Variants in MMD2 observed in about 807,000 individuals in gnomAD.
MMD2 encodes monocyte to macrophage differentiation associated 2, also known as monocyte to macrophage differentiation factor 2.
Under a neutral mutation model 33.5 loss-of-function variants are expected in MMD2, and 30 were observed. That is an observed-to-expected ratio of 0.90 (90% confidence interval 0.67 to 1.22). The LOEUF (loss-of-function observed/expected upper bound fraction) is 1.22. MMD2 is among the 50% of genes most tolerant of loss of function. The pLI, the probability that MMD2 is intolerant of heterozygous loss-of-function variation, is 0.00. For missense variants in MMD2, 364 were observed against 325.4 expected, an observed-to-expected ratio of 1.12 and a Z score of -0.91; for synonymous variants, 129 against 123.0, an observed-to-expected ratio of 1.05 and a Z score of -0.32.
chr7:4,951,215 AG>A lies in MMD2; in HGVS notation c.47+7755del, dbSNP rs569733854. On this transcript the variant is annotated intron_variant, in intron 1 of 6. Coordinates refer to ENST00000401401, the MANE Select transcript of MMD2 (RefSeq NM_198403.4). ...CAACTCCCTTGATAACTATGATGGCAGCCTCAAAAGTAGCTTCTGTCCCTTT... is the reference window on the plus strand; with the variant it reads ...CAACTCCCTTGATAACTATGATGGCACCTCAAAAGTAGCTTCTGTCCCTTT... 7.4e-3 allele frequency among the ~76,000 whole-genome samples: 1,127 copies of A among 152,276 alleles called. 8 individuals are homozygous for A. The highest frequency in any genetic ancestry group is 0.012 in the Non-Finnish European group (825 of 68,024).
intron 3 of MMD2, among the ~76,000 whole-genome samples, chr7:4,918,096 C>T (rs948783442): frequency 2.2e-4 from 34 of 152,214 alleles, no homozygotes; most frequent in African/African-American, 8.0e-4. Context: ...CCTCCAGCCC[C>T]AGTCAAGCCA....
At chr7:4,937,965 ATTTC>A (rs1206817583) in intron 1 of MMD2, among the ~76,000 whole-genome samples, 1 of 103,026 alleles carries the variant, frequency 9.7e-6, no homozygotes, top group Non-Finnish European at 2.1e-5. Flanking sequence ...AAACAATTTA[ATTTC>A]TTTTTCTTTT....
At position 4,911,151 on chromosome 7, in the gene MMD2, T is replaced by C. The variant is rs759450766; in HGVS notation, c.461A>G (p.His154Arg). Reference protein sequence around the residue: ...SVGTIYVFFFHERYKLVELLC... With the variant: ...SVGTIYVFFFRERYKLVELLC... ...GCCCCCAGGCCTGGCTTACCGCTCATGGAAGAAGAAGACATAGATGGTGCC... is the reference window on the plus strand; with the variant it reads ...GCCCCCAGGCCTGGCTTACCGCTCACGGAAGAAGAAGACATAGATGGTGCC... The change falls in exon 5 of 7, where the codon CAT becomes CGT. Residue 154 changes from histidine to arginine, a missense_variant. By Grantham distance (29) the His-to-Arg change is conservative. Transcript: ENST00000401401. 4 of 1,581,288 alleles carry C rather than the reference T, an allele frequency of 2.5e-6. No homozygotes were observed. The highest frequency in any genetic ancestry group is 4.6e-5 in the East Asian group (2 of 43,148).
At chr7:4,919,953 G>C (rs61700194) in intron 3 of MMD2, among the ~76,000 whole-genome samples, 3,355 of 152,260 alleles carry the variant, frequency 0.022, 137 homozygotes, top group African/African-American at 0.078. Context: ...CGTGGGCGAG[G>C]TGGTCCGCCC....
In MMD2 at chr7:4,959,048, G is replaced by A. The variant is rs1786468320; in HGVS notation, c.-31C>T. 2.4e-6 allele frequency: 3 copies of A among 1,251,678 alleles called. No individual in the cohort carries two copies. In the East Asian group the frequency reaches 9.6e-5, roughly 40 times the overall value. The allele number at this position is 1,251,678 out of a possible 1,614,324, so 77.5% of individuals were successfully genotyped here. A position where few individuals can be genotyped will look rare whatever the true frequency, so the allele number is the denominator to read the frequency against. On this transcript the variant is annotated 5_prime_UTR_variant, in exon 1 of 7. Coordinates refer to ENST00000401401, the MANE Select transcript of MMD2 (RefSeq NM_198403.4). ...CGCTTCCATGGGAATCTGGCCCCGG[G>A]CTCAGAGCGCGGGTAGCTGGCAGAG... is the stretch of plus-strand genomic sequence containing the variant.
chr7:4,910,253 T>A (rs1784972963), intron 5 of MMD2, among the ~76,000 whole-genome samples: 2 of 152,146 alleles, frequency 1.3e-5, no homozygotes, highest in African/African-American at 4.8e-5. Context: ...GCACTTCCGA[T>A]GCTCAGCCCA....
intron 1 of MMD2, among the ~76,000 whole-genome samples, chr7:4,947,794 G>T (rs1034392391): frequency 2.0e-5 from 3 of 148,884 alleles, no homozygotes; most frequent in Non-Finnish European, 4.4e-5. Context: ...CCACCTCCCG[G>T]GTTCAAGCGA....
chr7:4,893,204 AC>A, the MMD2 span, among the ~76,000 whole-genome samples: 1 of 151,850 alleles, frequency 6.6e-6, no homozygotes, highest in Non-Finnish European at 1.5e-5. Flanking sequence ...TCCGATCCAG[AC>A]CCCAAGAGAG....
the MMD2 span, among the ~76,000 whole-genome samples, chr7:4,894,964 T>G: frequency 1.3e-5 from 2 of 152,180 alleles, no homozygotes; most frequent in Non-Finnish European, 2.9e-5. This position sits in a 1 kb window ranked among gnomAD's most constrained non-coding sequence, Gnocchi z 4.3. Context: ...TGATCTTTGC[T>G]GGAAGCTGCA....
chr7:4,933,360 A>T (rs1785645688), intron 1 of MMD2, among the ~76,000 whole-genome samples: 1 of 152,318 alleles, frequency 6.6e-6, no homozygotes, highest in East Asian at 1.9e-4. Flanking sequence ...TGATTGTCTC[A>T]AAATAAAACA....
Position 4,907,341 on chromosome 7 carries a change from C to A in MMD2, c.*55G>T. 2 of 1,566,584 alleles carry A rather than the reference C, an allele frequency of 1.3e-6. No individual in the cohort carries two copies. Among genetic ancestry groups the A allele is most frequent in the South Asian group, 1.1e-5 (1 of 89,724 alleles). ...TGGCGCTGTGCTCTGGGTTAACGTT[C>A]ACAGAAACGTGCTCCACTCCTAAAG... On this transcript the variant is annotated 3_prime_UTR_variant, in exon 7 of 7. Coordinates refer to ENST00000401401, the MANE Select transcript of MMD2 (RefSeq NM_198403.4).
rs189210363 is a variant in MMD2 at position 4,931,119 on chromosome 7, G to A, written c.48-5587C>T. Among the ~76,000 whole-genome samples, 395 of 152,214 alleles carry A rather than the reference G, an allele frequency of 2.6e-3. 3 individuals carry two copies. Among genetic ancestry groups the A allele is most frequent in the African/African-American group, 8.7e-3 (361 of 41,544 alleles). The stretch of plus-strand genomic sequence containing the variant: ...ACTTGTCTCTGGCTCCTAAAGTGCC[G>A]GGGTTACAGGCGTGAGCCACTGTGC... On this transcript the variant is annotated intron_variant, in intron 1 of 6. Transcript: ENST00000401401.
chr7:4,922,461 A>T (rs1217025650), intron 2 of MMD2, among the ~76,000 whole-genome samples: 2 of 151,840 alleles, frequency 1.3e-5, no homozygotes, highest in Admixed American at 1.3e-4. Context: ...TCCCAGCAAG[A>T]CTCCATTTAA....
Position 4,907,283 on chromosome 7 carries a change from A to T in MMD2, c.*113T>A. 9.6e-7 allele frequency: 1 copy of T among 1,036,888 alleles called. No individual in the cohort carries two copies. Among genetic ancestry groups the T allele is most frequent in the Non-Finnish European group, 1.5e-6 (1 of 683,424 alleles). 64.2% of individuals were successfully genotyped at this position (1,036,888 alleles called of 1,614,324 possible). A position where few individuals can be genotyped will look rare whatever the true frequency, so the allele number is the denominator to read the frequency against. ...CACCAGAAGTCACCTTGGAGCCATCAAGAACTCTACCCAATAAAGGGAAGA... is the reference window on the plus strand; with the variant it reads ...CACCAGAAGTCACCTTGGAGCCATCTAGAACTCTACCCAATAAAGGGAAGA... On this transcript the variant is annotated 3_prime_UTR_variant, in exon 7 of 7. Coordinates refer to ENST00000401401, the MANE Select transcript of MMD2 (RefSeq NM_198403.4).
chr7:4,949,557 G>A (rs1038574414), intron 1 of MMD2, among the ~76,000 whole-genome samples: 4 of 151,250 alleles, frequency 2.6e-5, no homozygotes, highest in African/African-American at 7.3e-5. Context: ...CTCTTGCCAC[G>A]CTGGAGTGCA....
At chr7:4,900,212 T>A in the MMD2 span, among the ~76,000 whole-genome samples, 1,259 of 151,988 alleles carry the variant, frequency 8.3e-3, 18 homozygotes, top group African/African-American at 0.029. Flanking sequence ...GAGGCAGCAC[T>A]GAGTGCACCA....
chr7:4,938,926 G>T (rs1182412855), intron 1 of MMD2, among the ~76,000 whole-genome samples: 1 of 152,112 alleles, frequency 6.6e-6, no homozygotes, highest in Non-Finnish European at 1.5e-5. Context: ...GGGGAGGGGA[G>T]GCTGGGCTCG....
downstream of MMD2, among the ~76,000 whole-genome samples, chr7:4,903,755 C>G (rs1784824568): frequency 6.6e-6 from 1 of 152,218 alleles, no homozygotes; most frequent in African/African-American, 2.4e-5. Context: ...TGGCAGTGCC[C>G]ACTGAGCGCA....
In MMD2 at chr7:4,941,914, T is replaced by G. The variant is rs527248068; in HGVS notation, c.48-16382A>C. Among the ~76,000 whole-genome samples the G allele has an allele frequency of 9.9e-5, 15 of 151,186 alleles. No homozygotes were observed. The South Asian group carries it at 3.2e-3, about 33-fold the overall frequency. Reference sequence around the variant, plus strand: ...TGCCAAAGGACACTTTAAAGATACATTTGTGGTGCAACTTTCCTGGTGCTG... The same window carrying G: ...TGCCAAAGGACACTTTAAAGATACAGTTGTGGTGCAACTTTCCTGGTGCTG... On this transcript the variant is annotated intron_variant, in intron 1 of 6. Transcript: ENST00000401401.
Sources: gnomAD v4.1 joint callset for allele counts (sites outside exome capture counted in the v4.1 genomes callset) on GRCh38, gnomAD v4.1.1 for gene constraint, Gnocchi (gnomAD v3.1) non-coding constraint, MANE v1.5 for transcripts, NCBI Gene and HGNC (gene_info 2026-07-23, HGNC 2026-07-21) for gene names.